CLCN6: variants seen among roughly 807,000 people sequenced by gnomAD.
CLCN6 encodes the protein Cl-/H+ antiporter 6.
A neutral mutation model predicts 109.8 loss-of-function variants in CLCN6; 70 were observed. The observed-to-expected ratio is 0.64, with a 90% CI of 0.53 to 0.78. CLCN6 has a LOEUF of 0.78. Among genes scored for constraint, CLCN6 ranks in the 30% least tolerant of loss-of-function variants. The pLI, the probability that CLCN6 is intolerant of heterozygous loss-of-function variation, is 0.00. For synonymous variants in CLCN6, 444 were observed against 447.8 expected, an observed-to-expected ratio of 0.99 and a Z score of 0.11; for missense variants, 984 against 1,142.3, an observed-to-expected ratio of 0.86 and a Z score of 2.00.
intron 4 of CLCN6, among the ~76,000 whole-genome samples, chr1:11,818,074 C>A (rs960139995): frequency 6.6e-6 from 1 of 151,266 alleles, no homozygotes; most frequent in Admixed American, 6.6e-5. Flanking sequence ...CCAGCCTGGG[C>A]AACGTAGGGA....
intron 2 of CLCN6, among the ~76,000 whole-genome samples, chr1:11,809,723 A>AATCACG (rs1244628614): frequency 6.6e-6 from 1 of 152,106 alleles, no homozygotes; most frequent in Non-Finnish European, 1.5e-5. Context: ...CTCCCAAAGT[A>AATCACG]CTGGGATTAC....
At chr1:11,824,908 G>A (rs757384272) in intron 8 of CLCN6, among the ~76,000 whole-genome samples, 3 of 152,188 alleles carry the variant, frequency 2.0e-5, no homozygotes, top group African/African-American at 7.2e-5. Context: ...GACTGACATG[G>A]TTTTAGGCAC....
At chr1:11,812,924 T>C (rs578205597) in intron 2 of CLCN6, among the ~76,000 whole-genome samples, 1 of 152,130 alleles carries the variant, frequency 6.6e-6, no homozygotes, top group Non-Finnish European at 1.5e-5. Flanking sequence ...AAACTCATCT[T>C]ACAGAGGAGA....
At chr1:11,815,501 T>G (rs1371125409) in intron 2 of CLCN6, among the ~76,000 whole-genome samples, 1 of 152,208 alleles carries the variant, frequency 6.6e-6, no homozygotes, top group Non-Finnish European at 1.5e-5. Flanking sequence ...GTTCCAGTGA[T>G]TCTCCTGCCT....
At chr1:11,808,563 C>T (rs1644554933) in intron 2 of CLCN6, among the ~76,000 whole-genome samples, 1 of 152,090 alleles carries the variant, frequency 6.6e-6, no homozygotes, top group African/African-American at 2.4e-5. Flanking sequence ...CCAGATTTTC[C>T]AGTTTTCTTG....
chr1:11,807,467 T>G (rs1480064366), intron 2 of CLCN6, among the ~76,000 whole-genome samples: 1 of 152,244 alleles, frequency 6.6e-6, no homozygotes, highest in Non-Finnish European at 1.5e-5. Context: ...CTTTTACAGC[T>G]TACAGAGAGA....
chr1:11,816,046 C>T (rs1401840265), intron 3 of CLCN6, 135 bp downstream of exon 3: 1 of 658,112 alleles, frequency 1.5e-6, no homozygotes, highest in Non-Finnish European at 2.7e-6. Context: ...GCAGACCTCA[C>T]TTTATGCGCT....
At chr1:11,835,186 C>G (rs1368572921) in intron 17 of CLCN6, among the ~76,000 whole-genome samples, 2 of 152,248 alleles carry the variant, frequency 1.3e-5, no homozygotes, top group Admixed American at 1.3e-4. Context: ...AGCAGGAAAG[C>G]AGTAAGCGTG....
intron 18 of CLCN6, 84 bp from the exon 19 acceptor site, chr1:11,836,915 C>T (rs984430516): frequency 7.8e-5 from 118 of 1,516,120 alleles, no homozygotes; most frequent in Non-Finnish European, 1.0e-4. Context: ...TCTGACCCTC[C>T]CTGTCACCCA....
chr1:11,819,459 C>T (rs748062825), intron 4 of CLCN6, 29 bp from the exon 5 acceptor site: 1 of 1,602,462 alleles, frequency 6.2e-7, no homozygotes, highest in African/African-American at 1.3e-5. Context: ...GGAAATAAGG[C>T]TGTGTGACAG....
intron 6 of CLCN6, among the ~76,000 whole-genome samples, chr1:11,823,494 A>G (rs980063847): frequency 1.3e-5 from 2 of 152,008 alleles, no homozygotes; most frequent in African/African-American, 4.8e-5. Flanking sequence ...AAAAAAGAAA[A>G]AAAAGTGCAA....
intron 4 of CLCN6, among the ~76,000 whole-genome samples, chr1:11,818,486 G>A (rs1053383496): frequency 5.3e-5 from 8 of 152,136 alleles, no homozygotes; most frequent in Non-Finnish European, 1.0e-4. Flanking sequence ...TGTTACTCAA[G>A]CTGAAGCAAC....
chr1:11,835,567 A>G (rs74053326), intron 17 of CLCN6, among the ~76,000 whole-genome samples: 10,497 of 152,194 alleles, frequency 0.069, 457 homozygotes, highest in African/African-American at 0.12. Flanking sequence ...GAGCCGCTGC[A>G]CCCAGCCCAC....
Position 11,835,952 on chromosome 1 carries a change from G to A in CLCN6, c.1794-15G>A. 6.2e-7 allele frequency: 1 copy of A among 1,608,672 alleles called. No individual in the cohort carries two copies. Among genetic ancestry groups the A allele is most frequent in the South Asian group, 1.1e-5 (1 of 90,462 alleles). ...GCACTGTCATGAGGCTGGATGACTT[G>A]CCCTCCTCCCCCAGGCTGAGAGCCA... On this transcript the variant is annotated splice_polypyrimidine_tract_variant and intron_variant, in intron 17 of 22. Transcript: ENST00000346436.
At chr1:11,821,080 A>C (rs1386946232) in intron 5 of CLCN6, among the ~76,000 whole-genome samples, 2 of 123,578 alleles carry the variant, frequency 1.6e-5, no homozygotes, top group Admixed American at 1.5e-4. Flanking sequence ...GTCTCAAAAA[A>C]CAACAACAAA....
At chr1:11,839,012 A>C (rs1042386407) in intron 22 of CLCN6, 8 of 654,810 alleles carry the variant, frequency 1.2e-5, no homozygotes, top group Middle Eastern at 2.4e-4. Context: ...CAAGCAAAAT[A>C]CTTTGAGTTT....
intron 2 of CLCN6, among the ~76,000 whole-genome samples, chr1:11,811,384 A>T (rs989349053): frequency 1.9e-3 from 270 of 144,162 alleles, no homozygotes; most frequent in African/African-American, 6.6e-3. Flanking sequence ...CCTACAGTCA[A>T]TTTTTTTTTT....
chr1:11,831,346 G>A (rs180820440), intron 13 of CLCN6, among the ~76,000 whole-genome samples: 4 of 151,666 alleles, frequency 2.6e-5, no homozygotes, highest in East Asian at 1.9e-4. Context: ...TAGTAGAGAC[G>A]GAGTTTCACT....
Position 11,822,727 on chromosome 1 carries a change from G to T in CLCN6, c.379G>T (p.Ala127Ser), listed in dbSNP as rs1392874369. Residue 127 changes from alanine to serine, a missense_variant, in exon 6 of 23, where the codon GCT becomes TCT. Ala to Ser is a moderately conservative substitution (Grantham distance 99). Coordinates refer to ENST00000346436, the MANE Select transcript of CLCN6 (RefSeq NM_001286.5). Reference protein sequence around the residue: ...VEECSQKGCLALSLLELLGFN... With the variant: ...VEECSQKGCLSLSLLELLGFN... ...GGAGTGCAGCCAGAAAGGCTGCCTC[G>T]CTCTGTCTCTCCTTGAACTCCTGGG... 1 of 1,613,862 alleles carries T rather than the reference G, an allele frequency of 6.2e-7. No individual in the cohort carries two copies. Among genetic ancestry groups the T allele is most frequent in the Admixed American group, 1.7e-5 (1 of 59,994 alleles).
Sources: allele counts gnomAD v4.1 joint callset (sites outside exome capture counted in the v4.1 genomes callset), GRCh38; gene constraint gnomAD v4.1.1; transcripts MANE v1.5; gene names NCBI Gene and HGNC (gene_info 2026-07-23, HGNC 2026-07-21).